The following SHCBP1L variants were observed in gnomAD, a reference collection of about 807,000 sequenced individuals.
SHCBP1L encodes the protein testicular spindle-associated protein SHCBP1L.
SHCBP1L carries 67 observed loss-of-function variants against 62.5 expected under a neutral mutation model. The observed-to-expected ratio is 1.07, with a 90% CI of 0.88 to 1.31. The LOEUF (loss-of-function observed/expected upper bound fraction) is 1.31, where lower values mean the gene tolerates loss of function less well. SHCBP1L is among the 40% of genes most tolerant of loss of function. The probability of loss-of-function intolerance (pLI) is 0.00; values close to 1 mark genes in which losing one functional copy is unlikely to be tolerated. For synonymous variants in SHCBP1L, 284 were observed against 289.4 expected (o/e 0.98, Z 0.19); for missense variants, 823 against 809.8 (o/e 1.02, Z -0.20).
intron 2 of SHCBP1L, among the ~76,000 whole-genome samples, chr1:182,945,255 C>T (rs370440509): frequency 6.6e-6 from 1 of 152,158 alleles, no homozygotes; most frequent in Non-Finnish European, 1.5e-5. Context: ...TGAGCCACTG[C>T]GCCCAGCCAT....
intron 6 of SHCBP1L, among the ~76,000 whole-genome samples, chr1:182,924,740 G>GA (rs1571346031): frequency 1.3e-5 from 1 of 75,342 alleles, no homozygotes; most frequent in Admixed American, 1.6e-4. Flanking sequence ...AAGAAAGAAA[G>GA]AAAGAAAGAA....
intron 2 of SHCBP1L, among the ~76,000 whole-genome samples, chr1:182,941,253 C>CAAAAAA (rs368017905): frequency 5.2e-5 from 3 of 57,484 alleles, no homozygotes; most frequent in Admixed American, 1.8e-4. Context: ...ACTCAAACAC[C>CAAAAAA]AAAAAAAAAA....
chr1:182,952,219 T>C (rs1571364295), intron 1 of SHCBP1L, among the ~76,000 whole-genome samples: 2 of 62,992 alleles, frequency 3.2e-5, no homozygotes, highest in African/African-American at 9.9e-5. Flanking sequence ...TATATATATA[T>C]ATATATATAT....
chr1:182,901,409 A>G (rs2101916209), intron 9 of SHCBP1L, among the ~76,000 whole-genome samples: 1 of 152,308 alleles, frequency 6.6e-6, no homozygotes, highest in South Asian at 2.1e-4. Context: ...GTGAGCTGAG[A>G]TCGCGCCATT....
At chr1:182,903,395 TA>T (rs1263555435) in intron 8 of SHCBP1L, among the ~76,000 whole-genome samples, 1 of 152,172 alleles carries the variant, frequency 6.6e-6, no homozygotes, top group African/African-American at 2.4e-5. Flanking sequence ...TATAATCCAT[TA>T]TCTTACTCTT....
chr1:182,940,495 C>CAGT lies in SHCBP1L; in HGVS notation c.601_603dup (p.Thr201dup), dbSNP rs946036086. The CAGT allele has an allele frequency of 4.3e-6, 7 of 1,613,814 alleles. No individual in the cohort carries two copies. In the African/African-American group the frequency reaches 9.3e-5, roughly 22 times the overall value. On this transcript the variant is annotated inframe_insertion, in exon 3 of 10. Coordinates refer to ENST00000367547, the MANE Select transcript of SHCBP1L (RefSeq NM_030933.4). ...GAAGAAAAGGGCTCAGCAACAGAAA[C>CAGT]AGTAACTTTGAAACGAGATGATGAG...
At chr1:182,939,080 T>C in intron 5 of SHCBP1L, 96 bp downstream of exon 5, 1 of 932,942 alleles carries the variant, frequency 1.1e-6, no homozygotes, top group East Asian at 2.6e-5. Context: ...ATTTTATACT[T>C]CACTTTAATC....
At chr1:182,925,415 C>G (rs1354237490) in intron 6 of SHCBP1L, among the ~76,000 whole-genome samples, 1 of 151,982 alleles carries the variant, frequency 6.6e-6, no homozygotes, top group Non-Finnish European at 1.5e-5. Context: ...AAATGGCCAA[C>G]AAGTCCATGG....
chr1:182,931,096 T>C (rs532935652), intron 5 of SHCBP1L, among the ~76,000 whole-genome samples: 1 of 152,178 alleles, frequency 6.6e-6, no homozygotes, highest in South Asian at 2.1e-4. Flanking sequence ...TTTCTAATAA[T>C]TTTCTATGCA....
intron 2 of SHCBP1L, among the ~76,000 whole-genome samples, chr1:182,943,923 A>C (rs1651462150): frequency 6.6e-6 from 1 of 151,074 alleles, no homozygotes; most frequent in South Asian, 2.1e-4. Flanking sequence ...AGTTCAAGAC[A>C]AGCCTGGCCA....
chr1:182,916,913 C>T (rs1650373237), intron 6 of SHCBP1L, among the ~76,000 whole-genome samples: 1 of 152,112 alleles, frequency 6.6e-6, no homozygotes, highest in Admixed American at 6.6e-5. Context: ...GGAGGAAAGA[C>T]AGGAGCAGAA....
At chr1:182,943,821 A>G (rs1205268948) in intron 2 of SHCBP1L, among the ~76,000 whole-genome samples, 4 of 150,718 alleles carry the variant, frequency 2.7e-5, no homozygotes, top group African/African-American at 9.7e-5. Flanking sequence ...CAGGTTTGTT[A>G]TGAAAAATAG....
At chr1:182,943,761 AT>A (rs1651456960) in intron 2 of SHCBP1L, among the ~76,000 whole-genome samples, 1 of 149,736 alleles carries the variant, frequency 6.7e-6, no homozygotes, top group African/African-American at 2.4e-5. Flanking sequence ...CCTAGTTTTG[AT>A]TTTTTTCAGT....
intron 1 of SHCBP1L, 59 bp downstream of exon 1, chr1:182,952,670 C>A: frequency 6.5e-7 from 1 of 1,527,344 alleles, no homozygotes; most frequent in Non-Finnish European, 8.8e-7. Flanking sequence ...GCCCCAGATG[C>A]CTGTCCCCAG....
intron 5 of SHCBP1L, among the ~76,000 whole-genome samples, chr1:182,932,389 A>G (rs1651035282): frequency 2.0e-5 from 3 of 152,138 alleles, no homozygotes; most frequent in Admixed American, 2.0e-4. Flanking sequence ...TTCCAAAGTG[A>G]CTATACTGTT....
chr1:182,900,465 C>T (rs1445481023), intron 9 of SHCBP1L, among the ~76,000 whole-genome samples: 7 of 151,898 alleles, frequency 4.6e-5, no homozygotes, highest in Non-Finnish European at 7.4e-5. Context: ...TGGAGTCTTG[C>T]TTTGTTGCCC....
intron 6 of SHCBP1L, among the ~76,000 whole-genome samples, chr1:182,926,926 A>G (rs962514466): frequency 2.0e-5 from 3 of 151,442 alleles, no homozygotes; most frequent in Admixed American, 1.3e-4. Flanking sequence ...TATTATCCCA[A>G]TTTTACATAT....
At chr1:182,922,145 T>C (rs1650546846) in intron 6 of SHCBP1L, among the ~76,000 whole-genome samples, 2 of 152,280 alleles carry the variant, frequency 1.3e-5, no homozygotes, top group East Asian at 3.9e-4. Flanking sequence ...CCCAGATTCA[T>C]AAAATAAGTT....
intron 5 of SHCBP1L, among the ~76,000 whole-genome samples, chr1:182,931,973 T>TTTTTA (rs1196996693): frequency 3.5e-5 from 5 of 142,548 alleles, no homozygotes; most frequent in East Asian, 2.1e-4. Flanking sequence ...TTTTTTTTTT[T>TTTTTA]ACTGCCTCCA....
Sources: allele counts gnomAD v4.1 joint callset (sites outside exome capture counted in the v4.1 genomes callset), GRCh38; gene constraint gnomAD v4.1.1; transcripts MANE v1.5; gene names NCBI Gene and HGNC (gene_info 2026-07-23, HGNC 2026-07-21).